Variants in APP observed in about 807,000 individuals in gnomAD.
APP encodes amyloid-beta precursor protein.
Under a neutral mutation model 101.4 loss-of-function variants are expected in APP, and 31 were observed. The observed-to-expected ratio is 0.31, with a 90% CI of 0.23 to 0.41. The LOEUF is 0.41. APP is among the 10% of genes least tolerant of loss of function. APP has a pLI of 1.00. For missense variants in APP, 839 were observed against 1,003.7 expected (o/e 0.84, Z 2.22); for synonymous variants, 366 against 364.4 (o/e 1.00, Z -0.05).
At chr21:25,954,185 G>A (rs1676211255) in intron 13 of APP, among the ~76,000 whole-genome samples, 2 of 152,110 alleles carry the variant, frequency 1.3e-5, no homozygotes, top group African/African-American at 4.8e-5. Flanking sequence ...TTTTAAGTTT[G>A]AGCTTTTTCA....
intron 16 of APP, among the ~76,000 whole-genome samples, chr21:25,897,060 T>G (rs2038099544): frequency 6.6e-6 from 1 of 152,150 alleles, no homozygotes; most frequent in Non-Finnish European, 1.5e-5. Context: ...AATTCCACTT[T>G]AAGTCCCGAG....
intron 2 of APP, among the ~76,000 whole-genome samples, chr21:26,102,266 T>C (rs959055561): frequency 6.6e-6 from 1 of 151,958 alleles, no homozygotes; most frequent in Non-Finnish European, 1.5e-5. Flanking sequence ...TATTTTTGTA[T>C]TTTTAGTAGA....
chr21:26,059,908 AAAAAAAAAAAAAAAAGAG>A (rs1239766927), intron 3 of APP, among the ~76,000 whole-genome samples: 1 of 149,288 alleles, frequency 6.7e-6, no homozygotes, highest in African/African-American at 2.5e-5. Flanking sequence ...AAAAAAAAAA[AAAAAAAAAAAAAAAAGAG>A]AGGGTGAGAC....
chr21:25,958,566 G>GA (rs377462011), intron 11 of APP, among the ~76,000 whole-genome samples: 1 of 34 alleles, frequency 0.029, no homozygotes, highest in African/African-American at 0.12. Flanking sequence ...CGTGCGACCA[G>GA]TGCACGGCCA....
chr21:26,096,051 C>T (rs2061934679), intron 2 of APP, among the ~76,000 whole-genome samples: 1 of 152,204 alleles, frequency 6.6e-6, no homozygotes, highest in Admixed American at 6.5e-5. Context: ...ATTATAGCCA[C>T]ACAGAGCATT....
At chr21:25,955,837 C>T (rs1601018970) in intron 11 of APP, 82 bp from the exon 12 acceptor site, 4 of 1,597,608 alleles carry the variant, frequency 2.5e-6, no homozygotes, top group East Asian at 4.5e-5. Context: ...AGAGGTTCCA[C>T]TAATGCATCC....
At chr21:25,908,507 CAAAG>C (rs1010677065) in intron 14 of APP, among the ~76,000 whole-genome samples, 6 of 151,908 alleles carry the variant, frequency 3.9e-5, no homozygotes, top group Non-Finnish European at 5.9e-5. Flanking sequence ...CATGTCTGTA[CAAAG>C]AAAGACTAAC....
At chr21:25,978,203 A>T (rs2042293270) in intron 9 of APP, among the ~76,000 whole-genome samples, 1 of 152,236 alleles carries the variant, frequency 6.6e-6, no homozygotes, top group Non-Finnish European at 1.5e-5. Flanking sequence ...AGAACAATTT[A>T]ACAATATCCT....
At chr21:25,920,599 G>T (rs61787967) in intron 13 of APP, among the ~76,000 whole-genome samples, 15 of 151,848 alleles carry the variant, frequency 9.9e-5, no homozygotes, top group Admixed American at 2.6e-4. Flanking sequence ...TAAAACAGAC[G>T]TTAAACCAAC....
At chr21:26,119,748 T>C (rs1397851983) in intron 1 of APP, among the ~76,000 whole-genome samples, 1 of 152,158 alleles carries the variant, frequency 6.6e-6, no homozygotes, top group East Asian at 1.9e-4. Flanking sequence ...AAATCTCAAA[T>C]GCTGGTACTT....
intron 16 of APP, 107 bp downstream of exon 16, chr21:25,897,466 T>C: frequency 2.2e-6 from 2 of 912,622 alleles, no homozygotes; most frequent in Non-Finnish European, 3.7e-6. Context: ...GCAAGCATTG[T>C]ATTTTTATCT....
chr21:26,070,809 T>C (rs533705522), intron 3 of APP, among the ~76,000 whole-genome samples: 31 of 152,156 alleles, frequency 2.0e-4, no homozygotes, highest in Non-Finnish European at 4.0e-4. Flanking sequence ...AGAGCCTTCC[T>C]CAATAATGTA....
rs1457231764 is a variant in APP, at chr21:26,086,617, AG to A, written c.355+3325del. Reference sequence around the variant, plus strand: ...TATTTGGATACAGTCAAGAGATTTTAGAGCATACTTATGTTAATGCTGAACA... The same window carrying A: ...TATTTGGATACAGTCAAGAGATTTTAAGCATACTTATGTTAATGCTGAACA... On this transcript the variant is annotated intron_variant, in intron 3 of 17. Transcript: ENST00000346798. Among the ~76,000 whole-genome samples, 5 of 152,026 alleles carry A rather than the reference AG, an allele frequency of 3.3e-5. No individual in the cohort carries two copies. In the East Asian group the frequency reaches 9.6e-4, roughly 29 times the overall value.
chr21:26,018,125 A>G (rs770597297), intron 6 of APP, among the ~76,000 whole-genome samples: 1 of 152,194 alleles, frequency 6.6e-6, no homozygotes, highest in Non-Finnish European at 1.5e-5. Context: ...TGACTACGCT[A>G]AAAGTGTCTT....
At chr21:26,092,506 C>T (rs1041971990) in intron 2 of APP, among the ~76,000 whole-genome samples, 2 of 152,056 alleles carry the variant, frequency 1.3e-5, no homozygotes, top group African/African-American at 2.4e-5. Flanking sequence ...GTGGTTGCCA[C>T]GGGTTTGGGT....
intron 9 of APP, among the ~76,000 whole-genome samples, chr21:25,980,734 A>G (rs2042400418): frequency 6.6e-6 from 1 of 152,164 alleles, no homozygotes. Context: ...ATAAACTATT[A>G]GTTTTATGTT....
chr21:25,983,007 C>T (rs2042496750), intron 8 of APP, among the ~76,000 whole-genome samples: 1 of 149,596 alleles, frequency 6.7e-6, no homozygotes, highest in Admixed American at 6.7e-5. Flanking sequence ...TATGGAAACA[C>T]GACAAAAGAT....
chr21:26,168,351 C>T (rs1346760074), intron 1 of APP, among the ~76,000 whole-genome samples: 1 of 152,172 alleles, frequency 6.6e-6, no homozygotes, highest in Non-Finnish European at 1.5e-5. Flanking sequence ...ACAGAGAGAA[C>T]CAGATAAACC....
chr21:26,168,377 T>G (rs1017301691), intron 1 of APP, among the ~76,000 whole-genome samples: 6 of 152,152 alleles, frequency 3.9e-5, no homozygotes, highest in Non-Finnish European at 2.9e-5. Flanking sequence ...CAAACCTCAG[T>G]AGACTGAATT....
Sources: gnomAD v4.1 joint callset for allele counts (sites outside exome capture counted in the v4.1 genomes callset) on GRCh38, gnomAD v4.1.1 for gene constraint, MANE v1.5 for transcripts, NCBI Gene and HGNC (gene_info 2026-07-23, HGNC 2026-07-21) for gene names.